LRRC4C: variants seen among roughly 807,000 people sequenced by gnomAD.
LRRC4C encodes the protein leucine-rich repeat-containing protein 4C.
A neutral mutation model predicts 33.6 loss-of-function variants in LRRC4C; 5 were observed. The ratio of observed to expected loss-of-function variants is 0.15; its 90% confidence interval spans 0.08 to 0.31. The LOEUF is 0.31. Ranked by LOEUF, LRRC4C falls within the 10% of genes least tolerant of loss-of-function variation. The pLI is 1.00. For synonymous variants in LRRC4C, 329 were observed against 302.0 expected (o/e 1.09, Z -0.93); for missense variants, 560 against 796.7 (o/e 0.70, Z 3.58).
chr11:40,267,155 T>C (rs1261543320), intron 4 of LRRC4C, among the ~76,000 whole-genome samples: 1 of 152,118 alleles, frequency 6.6e-6, no homozygotes, highest in Non-Finnish European at 1.5e-5. Flanking sequence ...AATAAAATAA[T>C]TTTTAACCGA....
In LRRC4C at chr11:41,110,113, A is replaced by G. The variant is rs374438760; in HGVS notation, c.-495-176390T>C. ...AGAAATATCTACAACTACTCTGCTT[A>G]TCTATATTTAAGTGGATAGATTTGG... On this transcript the variant is annotated intron_variant, in intron 1 of 6. Transcript: ENST00000528697. Among the ~76,000 whole-genome samples, 33 of 152,154 alleles carry G rather than the reference A, an allele frequency of 2.2e-4. No homozygotes were observed. In the East Asian group the frequency reaches 2.3e-3, roughly 11 times the overall value.
At chr11:40,535,567 T>C (rs142758119) in intron 3 of LRRC4C, among the ~76,000 whole-genome samples, 113 of 152,352 alleles carry the variant, frequency 7.4e-4, no homozygotes, top group Middle Eastern at 6.8e-3. Context: ...CTCCATAAGA[T>C]GCCAACAAAG....
chr11:41,412,681 G>A (rs1275843629), intron 1 of LRRC4C, among the ~76,000 whole-genome samples: 1 of 152,148 alleles, frequency 6.6e-6, no homozygotes, highest in Non-Finnish European at 1.5e-5. Flanking sequence ...TCCTGAGCCA[G>A]GACTTGAGAC....
At chr11:40,226,959 A>G (rs949012642) in intron 5 of LRRC4C, among the ~76,000 whole-genome samples, 3 of 152,204 alleles carry the variant, frequency 2.0e-5, no homozygotes, top group Non-Finnish European at 2.9e-5. Context: ...AAGATCTTAC[A>G]TCATTCATTA....
intron 1 of LRRC4C, among the ~76,000 whole-genome samples, chr11:41,055,874 G>T (rs1858584441): frequency 1.3e-5 from 2 of 152,168 alleles, no homozygotes; most frequent in South Asian, 4.1e-4. Context: ...CTATAGTCCA[G>T]TTCTTATACA....
chr11:40,792,060 C>A, intron 2 of LRRC4C, among the ~76,000 whole-genome samples: 1 of 151,878 alleles, frequency 6.6e-6, no homozygotes, highest in South Asian at 2.1e-4. Context: ...TTAGTTTGAA[C>A]TTTTTTAACT....
chr11:41,219,691 C>A (rs1420026692), intron 1 of LRRC4C, among the ~76,000 whole-genome samples: 1 of 152,340 alleles, frequency 6.6e-6, no homozygotes, highest in Middle Eastern at 3.4e-3. Context: ...TTGGGAAAAT[C>A]ACCCGGTGTT....
chr11:40,317,347 T>A (rs1009016788), intron 4 of LRRC4C, among the ~76,000 whole-genome samples: 11 of 152,076 alleles, frequency 7.2e-5, no homozygotes, highest in Non-Finnish European at 1.6e-4. Flanking sequence ...GTATTTTAAT[T>A]TTCTAGGGTT....
chr11:40,919,010 A>T (rs969775538), intron 2 of LRRC4C, among the ~76,000 whole-genome samples: 9 of 151,576 alleles, frequency 5.9e-5, no homozygotes, highest in African/African-American at 1.9e-4. Flanking sequence ...GTCCTAAATT[A>T]AAAAAAAATA....
intron 1 of LRRC4C, among the ~76,000 whole-genome samples, chr11:41,324,019 T>C (rs1455769894): frequency 2.6e-5 from 4 of 152,252 alleles, no homozygotes; most frequent in East Asian, 1.9e-4. Context: ...AACTGTGATC[T>C]GTGGACCACC....
chr11:41,151,823 T>C (rs946358775), intron 1 of LRRC4C, among the ~76,000 whole-genome samples: 3 of 152,226 alleles, frequency 2.0e-5, no homozygotes, highest in Non-Finnish European at 4.4e-5. Context: ...GAGACTGAGT[T>C]ATTCTAATAG....
intron 1 of LRRC4C, among the ~76,000 whole-genome samples, chr11:41,151,418 C>T (rs1327855380): frequency 6.6e-6 from 1 of 152,104 alleles, no homozygotes; most frequent in East Asian, 1.9e-4. Flanking sequence ...GGTGAAGTGG[C>T]CAGGACAGGC....
intron 2 of LRRC4C, among the ~76,000 whole-genome samples, chr11:40,854,675 AAT>A (rs1350870144): frequency 2.0e-5 from 3 of 151,688 alleles, no homozygotes; most frequent in Non-Finnish European, 2.9e-5. Flanking sequence ...ATACATTAAA[AAT>A]ATGTTTGTGT....
intron 1 of LRRC4C, among the ~76,000 whole-genome samples, chr11:41,221,636 A>G (rs1262433626): frequency 6.6e-6 from 1 of 152,216 alleles, no homozygotes; most frequent in African/African-American, 2.4e-5. Context: ...AATAGTAAAG[A>G]TATGGAATCA....
At chr11:40,748,444 A>G (rs1178244815) in intron 2 of LRRC4C, among the ~76,000 whole-genome samples, 1 of 152,108 alleles carries the variant, frequency 6.6e-6, no homozygotes, top group Non-Finnish European at 1.5e-5. Flanking sequence ...GACATTTACC[A>G]TCATCAAAAC....
At chr11:41,157,365 C>A (rs780602941) in intron 1 of LRRC4C, among the ~76,000 whole-genome samples, 1 of 152,016 alleles carries the variant, frequency 6.6e-6, no homozygotes, top group Non-Finnish European at 1.5e-5. Flanking sequence ...ATAAGAAAGA[C>A]CACATCACAA....
At chr11:40,749,467 A>G (rs1341209814) in intron 2 of LRRC4C, among the ~76,000 whole-genome samples, 1 of 151,676 alleles carries the variant, frequency 6.6e-6, no homozygotes, top group Non-Finnish European at 1.5e-5. Context: ...ACAAAAAAAA[A>G]AAAAAACCCT....
chr11:40,851,963 G>A lies in LRRC4C; in HGVS notation c.-407+81672C>T, dbSNP rs536431608. On this transcript the variant is annotated intron_variant, in intron 2 of 6. Transcript: ENST00000528697. ...TTGCAAACAAACTCATTTAAAAGGAGCAGACTTTTTTTGTACTTTCGTACT... is the reference window on the plus strand; with the variant it reads ...TTGCAAACAAACTCATTTAAAAGGAACAGACTTTTTTTGTACTTTCGTACT... 1.4e-4 allele frequency among the ~76,000 whole-genome samples: 22 copies of A among 152,092 alleles called. No individual in the cohort carries two copies. The South Asian group carries it at 1.7e-3, about 11-fold the overall frequency.
intron 1 of LRRC4C, among the ~76,000 whole-genome samples, chr11:41,147,937 TA>T (rs1943802877): frequency 6.6e-6 from 1 of 151,860 alleles, no homozygotes; most frequent in Non-Finnish European, 1.5e-5. Context: ...AAAATAAAAA[TA>T]AAAATTAGCT....
Sources: gnomAD v4.1 joint callset for allele counts (sites outside exome capture counted in the v4.1 genomes callset) on GRCh38, gnomAD v4.1.1 for gene constraint, MANE v1.5 for transcripts, NCBI Gene and HGNC (gene_info 2026-07-23, HGNC 2026-07-21) for gene names.